CDH12: variants seen among roughly 807,000 people sequenced by gnomAD.
The protein encoded by CDH12 is cadherin 12.
Under a neutral mutation model 74.1 loss-of-function variants are expected in CDH12, and 41 were observed. The ratio of observed to expected loss-of-function variants is 0.55; its 90% CI spans 0.43 to 0.72. CDH12 has a LOEUF of 0.72. Among genes scored for constraint, CDH12 ranks in the 30% least tolerant of loss-of-function variants. The probability of loss-of-function intolerance (pLI) is 0.00; values close to 1 mark genes in which losing one functional copy is unlikely to be tolerated. For synonymous variants in CDH12, 399 were observed against 355.0 expected (o/e 1.12, Z -1.39); for missense variants, 945 against 977.2 (o/e 0.97, Z 0.44).
rs1250918898 is a variant in CDH12 at position 22,654,311 on chromosome 5, CAG to C, written c.-522-148949_-522-148948del. On this transcript the variant is annotated intron_variant, in intron 1 of 14. Coordinates refer to ENST00000382254, the MANE Select transcript of CDH12 (RefSeq NM_004061.5). ...TCTTTCTTTCTTCTTTCCTTTTTGA[CAG>C]AGTCTCGCTCTTGTCACCCAGGCTG... 2.7e-5 allele frequency among the ~76,000 whole-genome samples: 4 copies of C among 150,286 alleles called. No individual in the cohort carries two copies. In the East Asian group the frequency reaches 7.9e-4, roughly 30 times the overall value.
chr5:21,884,609 G>A (rs925091441), intron 6 of CDH12, among the ~76,000 whole-genome samples: 1 of 152,138 alleles, frequency 6.6e-6, no homozygotes, highest in Non-Finnish European at 1.5e-5. Context: ...AAATCACTGA[G>A]GCATTTTTAC....
chr5:21,783,372 A>G lies in CDH12; in HGVS notation c.1379T>C (p.Ile460Thr). 1.2e-6 allele frequency: 2 copies of G among 1,613,020 alleles called. No individual in the cohort carries two copies. The highest frequency in any genetic ancestry group is 8.5e-7 in the Non-Finnish European group (1 of 1,179,250). Residue 460 changes from isoleucine (I) to threonine (T), a missense_variant, in exon 11 of 15, where the codon ATT (isoleucine) becomes ACT (threonine). Transcript: ENST00000382254. ...ESTAQYNFSI[I>T]ASKVSNPLLT... Reference sequence around the variant, plus strand: ...GCCATACTTACTAACTTTACTCGCAATTATGGAGAAATTATACTGCGCAGT... The same window carrying G: ...GCCATACTTACTAACTTTACTCGCAGTTATGGAGAAATTATACTGCGCAGT...
chr5:22,054,123 C>T (rs973889635), intron 5 of CDH12, among the ~76,000 whole-genome samples: 4 of 151,874 alleles, frequency 2.6e-5, no homozygotes, highest in African/African-American at 9.7e-5. Context: ...TTTTTTAGTG[C>T]TTTACTTCTC....
At chr5:21,956,193 T>C (rs931362394) in intron 6 of CDH12, among the ~76,000 whole-genome samples, 1 of 152,012 alleles carries the variant, frequency 6.6e-6, no homozygotes, top group African/African-American at 2.4e-5. Flanking sequence ...CCAGATTAGA[T>C]ACCATTGAAG....
chr5:22,425,279 T>C (rs1477148886), intron 2 of CDH12, among the ~76,000 whole-genome samples: 3 of 150,728 alleles, frequency 2.0e-5, no homozygotes, highest in Non-Finnish European at 4.4e-5. Flanking sequence ...TTTCCAGGTT[T>C]GTTATTCTTA....
At chr5:21,927,018 C>A (rs1754613636) in intron 6 of CDH12, among the ~76,000 whole-genome samples, 1 of 152,128 alleles carries the variant, frequency 6.6e-6, no homozygotes, top group African/African-American at 2.4e-5. Context: ...CTTGGGATAA[C>A]CAAGCAGCAT....
chr5:21,857,540 A>ATATTCT (rs1447821268), intron 6 of CDH12, among the ~76,000 whole-genome samples: 29 of 151,986 alleles, frequency 1.9e-4, no homozygotes, highest in Admixed American at 1.7e-3. Context: ...ATTTTATAGT[A>ATATTCT]ATAACTATAT....
chr5:21,935,550 T>C (rs1359063049), intron 6 of CDH12, among the ~76,000 whole-genome samples: 5 of 152,322 alleles, frequency 3.3e-5, no homozygotes, highest in Admixed American at 1.3e-4. Flanking sequence ...TCAGGGTAAA[T>C]TGAATATCCA....
intron 5 of CDH12, among the ~76,000 whole-genome samples, chr5:22,028,723 G>A (rs894282954): frequency 6.6e-6 from 1 of 152,082 alleles, no homozygotes; most frequent in African/African-American, 2.4e-5. Context: ...TCCCCATCAA[G>A]CTACCAATGA....
At chr5:21,869,431 T>C (rs1190875854) in intron 6 of CDH12, among the ~76,000 whole-genome samples, 1 of 152,202 alleles carries the variant, frequency 6.6e-6, no homozygotes, top group African/African-American at 2.4e-5. Context: ...TATGAGCACA[T>C]GACTAGTTGT....
intron 1 of CDH12, among the ~76,000 whole-genome samples, chr5:22,698,434 T>C (rs11741433): frequency 0.63 from 94,680 of 150,550 alleles, 30,017 homozygotes; most frequent in Admixed American, 0.7. Flanking sequence ...GGCCAGCTTT[T>C]TACTAGGAAA....
chr5:21,910,346 T>G (rs1753809853), intron 6 of CDH12, among the ~76,000 whole-genome samples: 1 of 152,136 alleles, frequency 6.6e-6, no homozygotes, highest in South Asian at 2.1e-4. Context: ...GGACCCATGC[T>G]TTTGATCTCA....
chr5:22,069,288 A>T (rs910502204), intron 5 of CDH12, among the ~76,000 whole-genome samples: 4 of 152,072 alleles, frequency 2.6e-5, no homozygotes, highest in African/African-American at 9.7e-5. Flanking sequence ...GGAGGGTGAA[A>T]TAGCCTTGTG....
chr5:21,782,292 C>T (rs1053847960), intron 11 of CDH12, among the ~76,000 whole-genome samples: 1 of 152,146 alleles, frequency 6.6e-6, no homozygotes, highest in Non-Finnish European at 1.5e-5. Flanking sequence ...GCTGCGTGAT[C>T]TTTTATGTTA....
chr5:22,139,645 C>A (rs1401218653), intron 4 of CDH12: 1 of 146,856 alleles, frequency 6.8e-6, no homozygotes, highest in Non-Finnish European at 1.5e-5. Context: ...GGTTGCAGTA[C>A]TTATCAACAT....
chr5:22,414,899 T>C (rs1229541042), intron 2 of CDH12, among the ~76,000 whole-genome samples: 1 of 152,084 alleles, frequency 6.6e-6, no homozygotes, highest in Non-Finnish European at 1.5e-5. Flanking sequence ...ATACAACTAA[T>C]AACATTATGT....
rs114369856 is a variant in CDH12 at position 22,055,939 on chromosome 5, T to C, written c.231+22507A>G. On this transcript the variant is annotated intron_variant, in intron 5 of 14. Transcript: ENST00000382254. ...GTTTGCACATATTGATAAAAATACA[T>C]AGTCATAAATAATACTTTTCAATTT... 6.8e-3 allele frequency among the ~76,000 whole-genome samples: 1,037 copies of C among 152,244 alleles called. 5 individuals are homozygous for C. The highest frequency in any genetic ancestry group is 9.9e-3 in the Non-Finnish European group (675 of 67,962).
intron 3 of CDH12, among the ~76,000 whole-genome samples, chr5:22,399,946 T>C (rs2028722): frequency 0.84 from 127,759 of 152,168 alleles, 53,704 homozygotes; most frequent in African/African-American, 0.85. Flanking sequence ...ATTTGAGTGA[T>C]ATCACTATGC....
rs867225252 is a variant in CDH12 at position 22,188,629 on chromosome 5, A to G, written c.-187+23869T>C. Among the ~76,000 whole-genome samples, 7 of 152,304 alleles carry G rather than the reference A, an allele frequency of 4.6e-5. No individual in the cohort carries two copies. The Middle Eastern group carries it at 0.014, about 296-fold the overall frequency. ...ACCTACACCATTTCTACACCATGTA[A>G]TCTCACATAACGTCCACAAATGTCC... On this transcript the variant is annotated intron_variant, in intron 4 of 14. Coordinates refer to ENST00000382254, the MANE Select transcript of CDH12 (RefSeq NM_004061.5).
Sources: allele counts gnomAD v4.1 joint callset (sites outside exome capture counted in the v4.1 genomes callset), GRCh38; gene constraint gnomAD v4.1.1; transcripts MANE v1.5; gene names NCBI Gene and HGNC (gene_info 2026-07-23, HGNC 2026-07-21).